Variants in ABCC8 observed in about 807,000 individuals in gnomAD.
The protein encoded by ABCC8 is ATP binding cassette subfamily C member 8.
A neutral mutation model predicts 188.0 loss-of-function variants in ABCC8; 137 were observed. The ratio of observed to expected loss-of-function variants is 0.73; its 90% CI spans 0.63 to 0.84. ABCC8 has a LOEUF of 0.84. ABCC8 is among the 40% of genes least tolerant of loss of function. The pLI, the probability that ABCC8 is intolerant of heterozygous loss-of-function variation, is 0.00. For synonymous variants in ABCC8, 797 were observed against 846.5 expected (o/e 0.94, Z 1.01); for missense variants, 1,750 against 2,072.7 (o/e 0.84, Z 3.02).
At chr11:17,446,795 G>A (rs564017971) in intron 8 of ABCC8, among the ~76,000 whole-genome samples, 109 of 152,204 alleles carry the variant, frequency 7.2e-4, no homozygotes, top group African/African-American at 2.5e-3. Flanking sequence ...GTGTCCCTGT[G>A]GGAGCCTCTC....
At chr11:17,435,677 T>C (rs1956060291) in intron 10 of ABCC8, 1 of 1,399,296 alleles carries the variant, frequency 7.1e-7, no homozygotes, top group Non-Finnish European at 1.0e-6. Flanking sequence ...GTTCTTCACA[T>C]GGCTGCCAGC....
chr11:17,399,941 G>C (rs1457004666), intron 29 of ABCC8, among the ~76,000 whole-genome samples: 1 of 152,154 alleles, frequency 6.6e-6, no homozygotes. Flanking sequence ...CACTCTCCTT[G>C]GCCGCTTCCC....
rs77439000 is a variant in ABCC8 at position 17,440,842 on chromosome 11, A to G, written c.1630+1878T>C. On this transcript the variant is annotated intron_variant, in intron 10 of 38. Coordinates refer to ENST00000389817, the MANE Select transcript of ABCC8 (RefSeq NM_000352.6). ...GGGATATTTCCCCAGTCCCCTAGAC[A>G]GGGACATGCCTTGGTGCCCATGTTT... is the stretch of plus-strand genomic sequence containing the variant. 1.0e-3 allele frequency among the ~76,000 whole-genome samples: 154 copies of G among 152,330 alleles called. 4 individuals are homozygous for G. The East Asian group carries it at 0.026, about 25-fold the overall frequency.
Position 17,470,556 on chromosome 11 carries a change from C to T in ABCC8, c.291-334G>A, listed in dbSNP as rs115123841. Reference sequence around the variant, plus strand: ...CACGAACAGCATAAGTCAGCACTGGCGCCCTCCCCAGAGGCTGTGATAACA... The same window carrying T: ...CACGAACAGCATAAGTCAGCACTGGTGCCCTCCCCAGAGGCTGTGATAACA... On this transcript the variant is annotated intron_variant, in intron 2 of 38. Coordinates refer to ENST00000389817, the MANE Select transcript of ABCC8 (RefSeq NM_000352.6). Among the ~76,000 whole-genome samples the T allele has an allele frequency of 8.1e-3, 1,230 of 152,258 alleles. 16 individuals carry two copies. Among genetic ancestry groups the T allele is most frequent in the African/African-American group, 0.027 (1,131 of 41,546 alleles).
intron 22 of ABCC8, among the ~76,000 whole-genome samples, chr11:17,409,541 C>A (rs1022196674): frequency 6.6e-6 from 1 of 152,060 alleles, no homozygotes; most frequent in African/African-American, 2.4e-5. Flanking sequence ...ATCTTTGGGC[C>A]TTTTTTCTTT....
intron 7 of ABCC8, among the ~76,000 whole-genome samples, chr11:17,450,482 C>T (rs1271061541): frequency 1.4e-5 from 2 of 147,732 alleles, no homozygotes; most frequent in Non-Finnish European, 3.0e-5. Context: ...GCAAGCTCCT[C>T]CTCCTGGGTT....
At chr11:17,416,442 A>G (rs913563296) in intron 17 of ABCC8, among the ~76,000 whole-genome samples, 7 of 152,004 alleles carry the variant, frequency 4.6e-5, no homozygotes, top group Non-Finnish European at 1.0e-4. Flanking sequence ...GCCTTTTTAG[A>G]TATACTTTTT....
At chr11:17,396,650 C>T (rs182936222) in intron 33 of ABCC8, 23 of 507,694 alleles carry the variant, frequency 4.5e-5, no homozygotes, top group African/African-American at 4.1e-4. Flanking sequence ...CTGACAAAGC[C>T]CGTGTGAGCT....
intron 16 of ABCC8, 62 bp from the exon 17 acceptor site, chr11:17,417,024 C>A: frequency 1.2e-6 from 2 of 1,610,720 alleles, no homozygotes; most frequent in Non-Finnish European, 1.7e-6. Context: ...GCCTTTCCAT[C>A]ACGCTGAGTC....
At chr11:17,408,354 C>G in intron 23 of ABCC8, 38 bp downstream of exon 23, 1 of 1,587,938 alleles carries the variant, frequency 6.3e-7, no homozygotes, top group Non-Finnish European at 8.6e-7. Flanking sequence ...ACCTTTGCAT[C>G]CAGGGGTGGC....
rs766676376 is a variant in ABCC8, at chr11:17,399,440, C to G, written c.3651-999G>C. 5.5e-4 allele frequency among the ~76,000 whole-genome samples: 84 copies of G among 152,242 alleles called. 1 individual carries two copies. The highest frequency in any genetic ancestry group is 6.8e-3 in the Middle Eastern group (2 of 294). On this transcript the variant is annotated intron_variant, in intron 29 of 38. Transcript: ENST00000389817. ...GCTTTTTAAAAGCTCTGTGACAATA[C>G]TAAAGTCTTCCCTACCCCAGGGCCT...
At position 17,428,299 on chromosome 11, in the gene ABCC8, C is replaced by T. The variant is rs770262664; in HGVS notation, c.2030G>A (p.Cys677Tyr). Residue 677 changes from cysteine to tyrosine, a missense_variant, in exon 14 of 39, where the codon TGC becomes TAC. Cys to Tyr is a radical substitution (Grantham distance 194). Transcript: ENST00000389817. ...VPSADGDADN[C>Y]CVQIMGGYFT... ...GGCAGCAGGACTCACCTGGACACAGCAGTTGTCAGCATCGCCATCTGCACT... is the reference window on the plus strand; with the variant it reads ...GGCAGCAGGACTCACCTGGACACAGTAGTTGTCAGCATCGCCATCTGCACT... 1 of 1,614,038 alleles carries T rather than the reference C, an allele frequency of 6.2e-7. No individual in the cohort carries two copies. The highest frequency in any genetic ancestry group is 1.3e-5 in the African/African-American group (1 of 74,936).
intron 6 of ABCC8, among the ~76,000 whole-genome samples, chr11:17,459,782 C>T (rs1320200511): frequency 6.6e-6 from 1 of 152,202 alleles, no homozygotes; most frequent in African/African-American, 2.4e-5. Flanking sequence ...GCTACGGCCC[C>T]ACGCAGGGCA....
chr11:17,469,071 TTCCC>T (rs1185080750), intron 3 of ABCC8, among the ~76,000 whole-genome samples: 2 of 20,692 alleles, frequency 9.7e-5, no homozygotes, highest in Non-Finnish European at 2.1e-4. Context: ...CCTCCCTCCC[TTCCC>T]TCCCTCCCTC....
rs1486721721 is a variant in ABCC8 at position 17,428,929 on chromosome 11, AAGTT to A, written c.1818-263_1818-260del. 1.0e-5 allele frequency: 6 copies of A among 585,726 alleles called. No homozygotes were observed. The East Asian group carries it at 1.8e-4, about 18-fold the overall frequency. 36.3% of individuals were successfully genotyped at this position (585,726 alleles called of 1,614,324 possible). On this transcript the variant is annotated intron_variant, in intron 12 of 38. Coordinates refer to ENST00000389817, the MANE Select transcript of ABCC8 (RefSeq NM_000352.6). The stretch of plus-strand genomic sequence containing the variant: ...TTGGTTAGTTTTAGGGTTAATGTTG[AAGTT>A]AGTTAGTCTGGGTTATTAGACTGAA...
intron 8 of ABCC8, among the ~76,000 whole-genome samples, chr11:17,445,196 T>C (rs569505469): frequency 1.3e-5 from 2 of 152,320 alleles, no homozygotes; most frequent in African/African-American, 4.8e-5. Context: ...TCTTGATAAA[T>C]GTCAGGGGGG....
Position 17,428,590 on chromosome 11 carries a change from C to T in ABCC8, c.1898G>A (p.Gly633Asp), listed in dbSNP as rs1166452750. 1 of 1,614,082 alleles carries T rather than the reference C, an allele frequency of 6.2e-7. No homozygotes were observed. The highest frequency in any genetic ancestry group is 1.1e-5 in the South Asian group (1 of 91,082). ...CACCGCCTGGTACTTGCTGGCTGGG[C>T]CCTGAGGTGTGGGCTCATGGGGGGC... Reference protein sequence around the residue: ...QCAPHEPTPQGPASKYQAVPL... With the variant: ...QCAPHEPTPQDPASKYQAVPL... Residue 633 changes from glycine to aspartate, a missense_variant, in exon 13 of 39, where the codon GGC becomes GAC. Transcript: ENST00000389817.
At chr11:17,436,686 G>C (rs991563147) in intron 10 of ABCC8, among the ~76,000 whole-genome samples, 2 of 152,244 alleles carry the variant, frequency 1.3e-5, no homozygotes, top group African/African-American at 4.8e-5. Flanking sequence ...AAGTTTAGTT[G>C]CGTGTAGGCT....
intron 7 of ABCC8, among the ~76,000 whole-genome samples, chr11:17,451,340 G>T (rs1021028728): frequency 1.2e-4 from 18 of 152,172 alleles, no homozygotes; most frequent in African/African-American, 4.3e-4. Flanking sequence ...GTCTTAGAAG[G>T]TCTTAGATTT....
Sources: gnomAD v4.1 joint callset for allele counts (sites outside exome capture counted in the v4.1 genomes callset) on GRCh38, gnomAD v4.1.1 for gene constraint, MANE v1.5 for transcripts, NCBI Gene and HGNC (gene_info 2026-07-23, HGNC 2026-07-21) for gene names.